NRXN1: variants seen among roughly 807,000 people sequenced by gnomAD.
NRXN1 encodes neurexin 1.
Under a neutral mutation model 150.9 loss-of-function variants are expected in NRXN1, and 39 were observed. That is an observed-to-expected ratio of 0.26 (90% CI 0.20 to 0.34). The LOEUF (loss-of-function observed/expected upper bound fraction) is 0.34, where lower values mean the gene tolerates loss of function less well. Among genes scored for constraint, NRXN1 ranks in the 10% least tolerant of loss-of-function variants. NRXN1 has a pLI of 1.00. For missense variants in NRXN1, 1,815 were observed against 1,949.9 expected, an observed-to-expected ratio of 0.93 and a Z score of 1.30; for synonymous variants, 924 against 757.0, an observed-to-expected ratio of 1.22 and a Z score of -3.62.
chr2:49,981,591 C>T (rs537877870), intron 21 of NRXN1, among the ~76,000 whole-genome samples: 1 of 152,072 alleles, frequency 6.6e-6, no homozygotes, highest in South Asian at 2.1e-4. Flanking sequence ...ATATTTTATG[C>T]AACAAGAATG....
At chr2:49,928,813 G>T (rs1461303379) in intron 22 of NRXN1, among the ~76,000 whole-genome samples, 4 of 152,138 alleles carry the variant, frequency 2.6e-5, no homozygotes, top group Non-Finnish European at 5.9e-5. Context: ...TTTGTAAGAA[G>T]TGAGGGATGC....
intron 5 of NRXN1, chr2:50,757,833 G>C (rs576547785): frequency 6.6e-6 from 1 of 151,590 alleles, no homozygotes; most frequent in Admixed American, 6.6e-5. Flanking sequence ...GAAAGTGCAA[G>C]ACATAAGTTA....
intron 18 of NRXN1, among the ~76,000 whole-genome samples, chr2:50,114,108 G>C (rs1328956801): frequency 6.6e-6 from 1 of 151,996 alleles, no homozygotes; most frequent in Non-Finnish European, 1.5e-5. Context: ...AGATATATCT[G>C]ATAAAGGGCT....
At chr2:50,298,433 A>G (rs1413318751) in intron 17 of NRXN1, among the ~76,000 whole-genome samples, 1 of 152,106 alleles carries the variant, frequency 6.6e-6, no homozygotes, top group Non-Finnish European at 1.5e-5. Context: ...ACCCAGGGAA[A>G]TTTTCATGAA....
chr2:50,693,160 A>T (rs1299699092), intron 5 of NRXN1, among the ~76,000 whole-genome samples: 2 of 152,224 alleles, frequency 1.3e-5, no homozygotes, highest in Non-Finnish European at 2.9e-5. Context: ...CACAAGGAGA[A>T]AGTAGATTTA....
chr2:50,568,422 C>A (rs945478196), intron 8 of NRXN1, among the ~76,000 whole-genome samples: 15 of 151,972 alleles, frequency 9.9e-5, no homozygotes, highest in African/African-American at 3.4e-4. Flanking sequence ...CCAGAACATG[C>A]AGAAGTCCAA....
chr2:50,484,105 AG>A (rs2090692886), intron 15 of NRXN1, among the ~76,000 whole-genome samples: 1 of 152,198 alleles, frequency 6.6e-6, no homozygotes, highest in East Asian at 1.9e-4. Context: ...AGGATAAAAA[AG>A]GTTATAGCCA....
At chr2:50,537,692 G>C (rs2093295510) in intron 10 of NRXN1, among the ~76,000 whole-genome samples, 1 of 152,090 alleles carries the variant, frequency 6.6e-6, no homozygotes, top group African/African-American at 2.4e-5. Flanking sequence ...TTCTATTAGG[G>C]TACACTTCCA....
chr2:50,618,455 T>C lies in NRXN1; in HGVS notation c.1320+1567A>G, dbSNP rs188896378. Among the ~76,000 whole-genome samples the C allele has an allele frequency of 4.9e-4, 75 of 152,208 alleles. 1 individual carries two copies. The highest frequency in any genetic ancestry group is 3.9e-3 in the Admixed American group (60 of 15,268). On this transcript the variant is annotated intron_variant, in intron 8 of 22. Coordinates refer to ENST00000401669, the MANE Select transcript of NRXN1 (RefSeq NM_001330078.2). The stretch of plus-strand genomic sequence containing the variant: ...ACAGTCTATTATTCATTTGTAAACA[T>C]TGTTTTAGTTTGTAACAAATTTGAG...
chr2:50,653,101 A>C (rs1685884606), intron 5 of NRXN1, among the ~76,000 whole-genome samples: 1 of 152,064 alleles, frequency 6.6e-6, no homozygotes, highest in African/African-American at 2.4e-5. Context: ...TAACTACCAT[A>C]TCTTAATGAA....
intron 2 of NRXN1, among the ~76,000 whole-genome samples, chr2:51,017,364 C>G (rs1308047397): frequency 6.7e-6 from 1 of 149,110 alleles, no homozygotes; most frequent in Admixed American, 6.7e-5. Context: ...GAGATAGGGT[C>G]TTGCTCGGTT....
At chr2:50,909,953 T>G (rs1488641371) in intron 5 of NRXN1, among the ~76,000 whole-genome samples, 1 of 151,748 alleles carries the variant, frequency 6.6e-6, no homozygotes, top group Non-Finnish European at 1.5e-5. Flanking sequence ...CTTTGTTACT[T>G]AGAGGCAAAA....
At chr2:50,436,219 C>T (rs1300030924) in intron 17 of NRXN1, among the ~76,000 whole-genome samples, 1 of 152,014 alleles carries the variant, frequency 6.6e-6, no homozygotes, top group Non-Finnish European at 1.5e-5. Context: ...TTTGAGAGGC[C>T]GAGGCAGGCA....
chr2:50,437,900 C>A (rs1183491585), intron 17 of NRXN1, among the ~76,000 whole-genome samples: 1 of 152,162 alleles, frequency 6.6e-6, no homozygotes, highest in African/African-American at 2.4e-5. Flanking sequence ...CTATAACAAT[C>A]ATCAAAACAC....
chr2:50,474,945 C>T (rs537906461), intron 15 of NRXN1, among the ~76,000 whole-genome samples: 1 of 150,528 alleles, frequency 6.6e-6, no homozygotes, highest in East Asian at 2.0e-4. Flanking sequence ...CCTTCACTAA[C>T]TCAAAGAATC....
intron 2 of NRXN1, among the ~76,000 whole-genome samples, chr2:50,960,342 C>A (rs1275037996): frequency 1.4e-5 from 2 of 146,860 alleles, no homozygotes; most frequent in African/African-American, 5.0e-5. Flanking sequence ...TCCCTCCTTC[C>A]CTCCTTTCCT....
At chr2:50,311,601 A>G (rs1328248875) in intron 17 of NRXN1, among the ~76,000 whole-genome samples, 2 of 152,144 alleles carry the variant, frequency 1.3e-5, no homozygotes, top group Non-Finnish European at 2.9e-5. Context: ...TCATAAGCTC[A>G]AAAGGACCCT....
intron 5 of NRXN1, among the ~76,000 whole-genome samples, chr2:50,730,080 A>C (rs1213120120): frequency 6.6e-6 from 1 of 152,168 alleles, no homozygotes; most frequent in East Asian, 1.9e-4. Context: ...GCATTTACAT[A>C]TTATTAATAG....
intron 16 of NRXN1, among the ~76,000 whole-genome samples, chr2:50,471,890 C>G (rs2089506174): frequency 6.6e-6 from 1 of 151,616 alleles, no homozygotes; most frequent in Non-Finnish European, 1.5e-5. Flanking sequence ...AAAATTAAAA[C>G]AAAAAGAATG....
Sources: gnomAD v4.1 joint callset for allele counts (sites outside exome capture counted in the v4.1 genomes callset) on GRCh38, gnomAD v4.1.1 for gene constraint, MANE v1.5 for transcripts, NCBI Gene and HGNC (gene_info 2026-07-23, HGNC 2026-07-21) for gene names.